BRWD1: variants seen among roughly 807,000 people sequenced by gnomAD.
The protein encoded by BRWD1 is bromodomain and WD repeat domain containing 1.
Under a neutral mutation model 251.2 loss-of-function variants are expected in BRWD1, and 82 were observed. The ratio of observed to expected loss-of-function variants is 0.33; its 90% CI spans 0.27 to 0.39. The LOEUF (loss-of-function observed/expected upper bound fraction) is 0.39, where lower values mean the gene tolerates loss of function less well. BRWD1 is among the 10% of genes least tolerant of loss of function. The probability of loss-of-function intolerance (pLI) is 1.00; values close to 1 mark genes in which losing one functional copy is unlikely to be tolerated. For synonymous variants in BRWD1, 918 were observed against 902.8 expected (o/e 1.02, Z -0.30); for missense variants, 2,233 against 2,711.6 (o/e 0.82, Z 3.92).
intron 19 of BRWD1, among the ~76,000 whole-genome samples, chr21:39,252,508 T>C (rs1214876792): frequency 6.6e-6 from 1 of 152,190 alleles, no homozygotes; most frequent in Non-Finnish European, 1.5e-5. Flanking sequence ...TATCCTAACA[T>C]ACAGTTATGA....
At position 39,188,878 on chromosome 21, in the gene BRWD1, C is replaced by T. The variant is rs1254880971; in HGVS notation, c.*7381G>A. On this transcript the variant is annotated 3_prime_UTR_variant, in exon 41 of 41. Coordinates refer to ENST00000342449, the MANE Select transcript of BRWD1 (RefSeq NM_033656.4). The stretch of plus-strand genomic sequence containing the variant: ...CACTATGTTTTGTTCAGTGTTCAGT[C>T]TCCAGGCATTGTAAATGGCATTTTA... 2.0e-6 allele frequency: 2 copies of T among 985,276 alleles called. No homozygotes were observed. The highest frequency in any genetic ancestry group is 2.3e-4 in the East Asian group (2 of 8,830). The allele number at this position is 985,276 out of a possible 1,614,324, so 61.0% of individuals were successfully genotyped here. A position where few individuals can be genotyped will look rare whatever the true frequency, so the allele number is the denominator to read the frequency against.
Position 39,194,353 on chromosome 21 carries a change from A to G in BRWD1, c.*1906T>C. 1.9e-6 allele frequency: 2 copies of G among 1,059,814 alleles called. No homozygotes were observed. The highest frequency in any genetic ancestry group is 2.3e-6 in the Non-Finnish European group (2 of 877,138). 65.7% of individuals were successfully genotyped at this position (1,059,814 alleles called of 1,614,324 possible). ...AAAGAGAAGGTTAAGAAGAGTTTAA[A>G]TAAATTAATGGATTTGACATCTATC... On this transcript the variant is annotated 3_prime_UTR_variant, in exon 41 of 41. Transcript: ENST00000342449.
chr21:39,275,969 T>A (rs898277378), intron 12 of BRWD1, among the ~76,000 whole-genome samples: 3 of 152,032 alleles, frequency 2.0e-5, no homozygotes, highest in East Asian at 3.9e-4. Flanking sequence ...GAGGTGGAGG[T>A]TGCAGTGAGC....
At chr21:39,312,155 G>T (rs2898377) in intron 4 of BRWD1, among the ~76,000 whole-genome samples, 10 of 152,254 alleles carry the variant, frequency 6.6e-5, no homozygotes, top group Non-Finnish European at 1.3e-4. Flanking sequence ...GTTCACAAAA[G>T]AAATGAGACT....
At chr21:39,311,077 G>A (rs1326911413) in intron 4 of BRWD1, among the ~76,000 whole-genome samples, 1 of 150,646 alleles carries the variant, frequency 6.6e-6, no homozygotes, top group Non-Finnish European at 1.5e-5. Context: ...CCAAATCACA[G>A]CCATATTATC....
At position 39,270,438 on chromosome 21, in the gene BRWD1, C is replaced by CA. The variant is rs1182595387; in HGVS notation, c.1245-6dup. On this transcript the variant is annotated splice_polypyrimidine_tract_variant and splice_region_variant and intron_variant, in intron 13 of 40. Coordinates refer to ENST00000342449, the MANE Select transcript of BRWD1 (RefSeq NM_033656.4). Reference sequence around the variant, plus strand: ...TCCTCTTCGGAAGATAAGTCCCTAACAAAAAAATACACAACATGTAAACTT... The same window carrying CA: ...TCCTCTTCGGAAGATAAGTCCCTAACAAAAAAAATACACAACATGTAAACTT... 3 of 1,591,578 alleles carry CA rather than the reference C, an allele frequency of 1.9e-6. No homozygotes were observed. The highest frequency in any genetic ancestry group is 1.7e-6 in the Non-Finnish European group (2 of 1,169,190).
chr21:39,209,100 A>C (rs1468766284), intron 36 of BRWD1, among the ~76,000 whole-genome samples: 3 of 152,028 alleles, frequency 2.0e-5, no homozygotes, highest in Non-Finnish European at 4.4e-5. Context: ...TGGAGTCTGC[A>C]AAGAATGAGC....
intron 22 of BRWD1, among the ~76,000 whole-genome samples, chr21:39,237,101 A>G: frequency 6.6e-6 from 1 of 152,212 alleles, no homozygotes; most frequent in East Asian, 1.9e-4. Context: ...CAAGGAAACA[A>G]AACACAGACT....
At position 39,196,467 on chromosome 21, in the gene BRWD1, G is replaced by A. The variant is rs780090179; in HGVS notation, c.6602C>T (p.Thr2201Ile). 6.2e-7 allele frequency: 1 copy of A among 1,613,224 alleles called. No homozygotes were observed. Among genetic ancestry groups the A allele is most frequent in the Non-Finnish European group, 8.5e-7 (1 of 1,179,656 alleles). Residue 2201 changes from threonine to isoleucine, a missense_variant, in exon 41 of 41, where the codon ACT becomes ATT. Thr to Ile is a moderately conservative substitution (Grantham distance 89, BLOSUM62 -1). Coordinates refer to ENST00000342449, the MANE Select transcript of BRWD1 (RefSeq NM_033656.4). The stretch of plus-strand genomic sequence containing the variant: ...TTTGCTTTGTCTTTGACGTCTCACA[G>A]TTTTAGATATGTTAGCTGTAAAAGT... ...GKTFTANISKTVRRQRQSKRP... is the reference protein window; with the variant it reads ...GKTFTANISKIVRRQRQSKRP...
chr21:39,247,289 TACCCCTTATCCAGAACGCTGGGGAATA>T (rs1568911807), intron 21 of BRWD1, among the ~76,000 whole-genome samples: 1 of 152,218 alleles, frequency 6.6e-6, no homozygotes. Flanking sequence ...ACAGGTTATA[TACCCCTTATCCAGAACGCTGGGGAATA>T]GAATTGTTTC....
At chr21:39,241,716 T>C (rs2034010718) in intron 21 of BRWD1, among the ~76,000 whole-genome samples, 1 of 152,158 alleles carries the variant, frequency 6.6e-6, no homozygotes, top group African/African-American at 2.4e-5. Flanking sequence ...TGCTTCACAG[T>C]TGTGTTTTTT....
Position 39,210,941 on chromosome 21 carries a change from T to C in BRWD1, c.3901-12A>G. 1 of 1,607,154 alleles carries C rather than the reference T, an allele frequency of 6.2e-7. No individual in the cohort carries two copies. Among genetic ancestry groups the C allele is most frequent in the Non-Finnish European group, 8.5e-7 (1 of 1,178,158 alleles). On this transcript the variant is annotated splice_polypyrimidine_tract_variant and intron_variant, in intron 34 of 40. Coordinates refer to ENST00000342449, the MANE Select transcript of BRWD1 (RefSeq NM_033656.4). ...TTCCCATCATGGACCTAAAAATACA[T>C]TCACAGTCTTAAGAAAAATCACACT...
chr21:39,262,844 G>C (rs1384001482), intron 17 of BRWD1, among the ~76,000 whole-genome samples: 1 of 152,156 alleles, frequency 6.6e-6, no homozygotes, highest in Non-Finnish European at 1.5e-5. Context: ...GGACTTTTGG[G>C]GGCAGTATAA....
intron 22 of BRWD1, among the ~76,000 whole-genome samples, chr21:39,237,833 TA>T (rs1366934722): frequency 1.3e-5 from 2 of 152,066 alleles, no homozygotes; most frequent in South Asian, 2.1e-4. Context: ...TAAATTTGTT[TA>T]AAAAAAGATA....
chr21:39,215,277 A>T lies in BRWD1; in HGVS notation c.3745T>A (p.Ser1249Thr). 2 of 1,612,758 alleles carry T rather than the reference A, an allele frequency of 1.2e-6. No homozygotes were observed. Among genetic ancestry groups the T allele is most frequent in the Non-Finnish European group, 1.7e-6 (2 of 1,178,900 alleles). The change falls in exon 32 of 41, where the codon TCA (serine) becomes ACA (threonine). Residue 1249 changes from serine (S) to threonine (T), a missense_variant. Coordinates refer to ENST00000342449, the MANE Select transcript of BRWD1 (RefSeq NM_033656.4). ...AGTTGGTCAGTTATCTTTTTAGCTG[A>T]TCTTGCAATTACACTCTCAGGTTCG... Reference protein sequence around the residue: ...FNEPESVIARSAKKITDQLLK... With the variant: ...FNEPESVIARTAKKITDQLLK...
intron 27 of BRWD1, among the ~76,000 whole-genome samples, chr21:39,225,792 T>C (rs1257754237): frequency 6.6e-6 from 1 of 152,216 alleles, no homozygotes; most frequent in African/African-American, 2.4e-5. Flanking sequence ...TTTTCAAACT[T>C]ATGTAAACAT....
chr21:39,286,613 C>G (rs2035648060), intron 8 of BRWD1, among the ~76,000 whole-genome samples: 1 of 151,878 alleles, frequency 6.6e-6, no homozygotes, highest in African/African-American at 2.4e-5. Flanking sequence ...CTCCCGGCTT[C>G]AAGCGATTCT....
At chr21:39,203,434 GGTTCTTTTTTTTT>G (rs1272690097) in intron 37 of BRWD1, among the ~76,000 whole-genome samples, 13 of 64,314 alleles carry the variant, frequency 2.0e-4, no homozygotes, top group African/African-American at 4.3e-4. Context: ...GCAAGACCCT[GGTTCTTTTTTTTT>G]TTTTTTTTTT....
intron 8 of BRWD1, among the ~76,000 whole-genome samples, chr21:39,282,935 G>C (rs1362821636): frequency 6.7e-6 from 1 of 148,900 alleles, no homozygotes; most frequent in South Asian, 2.1e-4. Flanking sequence ...CTCCAGCCTG[G>C]GCAACAAGAG....
Sources: allele counts gnomAD v4.1 joint callset (sites outside exome capture counted in the v4.1 genomes callset), GRCh38; gene constraint gnomAD v4.1.1; transcripts MANE v1.5; gene names NCBI Gene and HGNC (gene_info 2026-07-23, HGNC 2026-07-21).